The following CCDC30 variants were observed in gnomAD, a reference collection of about 807,000 sequenced individuals.
CCDC30 encodes the protein coiled-coil domain-containing protein 30.
A neutral mutation model predicts 100.2 loss-of-function variants in CCDC30; 70 were observed. The observed-to-expected ratio is 0.70, with a 90% confidence interval of 0.58 to 0.85. The LOEUF is 0.85. CCDC30 is among the 40% of genes least tolerant of loss of function. The pLI is 0.00. For synonymous variants in CCDC30, 233 were observed against 269.5 expected (o/e 0.86, Z 1.33); for missense variants, 652 against 771.2 (o/e 0.85, Z 1.83).
At chr1:42,518,402 GCAAA>G (rs1162426318) in intron 6 of CCDC30, among the ~76,000 whole-genome samples, 3 of 152,116 alleles carry the variant, frequency 2.0e-5, no homozygotes, top group African/African-American at 7.2e-5. Flanking sequence ...CATATAATCT[GCAAA>G]CAGAGATATC....
At chr1:42,550,239 C>T (rs968925474) in intron 6 of CCDC30, among the ~76,000 whole-genome samples, 1 of 152,168 alleles carries the variant, frequency 6.6e-6, no homozygotes, top group African/African-American at 2.4e-5. Context: ...ACTGTTGCTA[C>T]CCTACTCCAT....
At chr1:42,539,213 A>T (rs751569777) in intron 6 of CCDC30, 2 of 1,608,664 alleles carry the variant, frequency 1.2e-6, no homozygotes, top group Non-Finnish European at 1.7e-6. Context: ...TGCCTTTATA[A>T]TGAAGTTCAC....
chr1:42,639,089 G>A (rs72967292), intron 12 of CCDC30, among the ~76,000 whole-genome samples: 3,224 of 152,208 alleles, frequency 0.021, 104 homozygotes, highest in African/African-American at 0.073. Context: ...GTTGAATAGC[G>A]TCCCTCAAAT....
intron 10 of CCDC30, among the ~76,000 whole-genome samples, chr1:42,604,399 C>G (rs1156501863): frequency 6.6e-6 from 1 of 152,194 alleles, no homozygotes; most frequent in Non-Finnish European, 1.5e-5. Context: ...AGCCCTCACT[C>G]CTCAGGTTGA....
chr1:42,636,069 C>G (rs886259511), intron 11 of CCDC30, among the ~76,000 whole-genome samples: 1 of 152,032 alleles, frequency 6.6e-6, no homozygotes, highest in African/African-American at 2.4e-5. Context: ...GCTTATTGGC[C>G]ATAACTTAGA....
chr1:42,503,988 C>T (rs1027614079), intron 6 of CCDC30, among the ~76,000 whole-genome samples: 24 of 152,154 alleles, frequency 1.6e-4, no homozygotes, highest in South Asian at 1.2e-3. Flanking sequence ...CTGAGAGCCC[C>T]GAACAGAGAT....
chr1:42,626,336 T>C (rs1352142116), intron 11 of CCDC30, among the ~76,000 whole-genome samples: 1 of 152,178 alleles, frequency 6.6e-6, no homozygotes, highest in African/African-American at 2.4e-5. Flanking sequence ...GATTGGAAGG[T>C]TTAGTCCATT....
chr1:42,507,754 AT>A, intron 6 of CCDC30, among the ~76,000 whole-genome samples: 1 of 152,134 alleles, frequency 6.6e-6, no homozygotes, highest in Non-Finnish European at 1.5e-5. Context: ...GGGGTTGTTA[AT>A]TTTGTATGTC....
At chr1:42,581,473 A>G in exon 9 of CCDC30, 1 of 1,613,866 alleles carries the variant, frequency 6.2e-7, no homozygotes, top group East Asian at 2.2e-5. Context: ...CACAAAATGA[A>G]GCTAAAGTAA....
At chr1:42,475,552 A>C (rs188272243) in intron 1 of CCDC30, among the ~76,000 whole-genome samples, 99 of 152,298 alleles carry the variant, frequency 6.5e-4, no homozygotes, top group African/African-American at 2.1e-3. Context: ...TTAACATATG[A>C]CATTATAGAA....
rs1310632133 is a variant in CCDC30, at chr1:42,588,052, T to C, written c.1002-1269T>C. 8.5e-5 allele frequency among the ~76,000 whole-genome samples: 13 copies of C among 152,108 alleles called. 1 individual carries two copies. On this transcript the variant is annotated intron_variant, in intron 9 of 16. Transcript: ENST00000668663. ...CAGGGAAGGAATGTAAAACAGGAAT[T>C]AGTGAGGGGTAAGGAACCAATCATG...
At chr1:42,456,560 C>T in the CCDC30 span, 1 of 1,468,264 alleles carries the variant, frequency 6.8e-7, no homozygotes, top group Non-Finnish European at 9.0e-7. Flanking sequence ...GGCCGCTGCG[C>T]TGCAGATGGC....
intron 7 of CCDC30, among the ~76,000 whole-genome samples, chr1:42,571,665 T>G (rs556912291): frequency 1.3e-5 from 2 of 152,364 alleles, no homozygotes; most frequent in African/African-American, 2.4e-5. Context: ...CCACCAATGA[T>G]ATCAAGGCAT....
intron 14 of CCDC30, 105 bp from the exon 19 acceptor site, chr1:42,646,030 A>G: frequency 1.4e-6 from 2 of 1,426,938 alleles, no homozygotes; most frequent in African/African-American, 1.4e-5. Flanking sequence ...ATGGATCAGA[A>G]CTATAGCACA....
intron 6 of CCDC30, among the ~76,000 whole-genome samples, chr1:42,528,382 G>A (rs1434970452): frequency 6.6e-6 from 1 of 152,192 alleles, no homozygotes; most frequent in Admixed American, 6.5e-5. Flanking sequence ...TGTGAAGGAG[G>A]CTTGATATGG....
At chr1:42,593,256 TTG>T (rs1646223154) in intron 10 of CCDC30, 1 of 152,168 alleles carries the variant, frequency 6.6e-6, no homozygotes, top group Non-Finnish European at 1.5e-5. Flanking sequence ...TTTGATCTTT[TTG>T]TAGGATGGCT....
chr1:42,564,444 C>T (rs112012010), intron 6 of CCDC30, among the ~76,000 whole-genome samples: 36,906 of 151,774 alleles, frequency 0.24, 4,937 homozygotes, highest in South Asian at 0.42. Context: ...TCCCAAGTAG[C>T]TGGGACTACA....
exon 9 of CCDC30, chr1:42,581,451 T>C (rs1328943231): frequency 2.5e-6 from 4 of 1,613,474 alleles, no homozygotes; most frequent in Non-Finnish European, 3.4e-6. Flanking sequence ...GAGGAAAAGA[T>C]AAAAGAAGCA....
At chr1:42,472,361 A>G (rs1261869014) in intron 1 of CCDC30, among the ~76,000 whole-genome samples, 1 of 152,242 alleles carries the variant, frequency 6.6e-6, no homozygotes, top group Non-Finnish European at 1.5e-5. Context: ...TGTCATGATT[A>G]CTTGCAACCT....
Sources: gnomAD v4.1 joint callset for allele counts (sites outside exome capture counted in the v4.1 genomes callset) on GRCh38, gnomAD v4.1.1 for gene constraint, MANE v1.5 for transcripts, NCBI Gene and HGNC (gene_info 2026-07-23, HGNC 2026-07-21) for gene names.